The following CRACD variants were observed in gnomAD, a reference collection of about 807,000 sequenced individuals.
The protein encoded by CRACD is capping protein inhibiting regulator of actin dynamics, also known as capping protein-inhibiting regulator of actin dynamics.
CRACD carries 56 observed loss-of-function variants against 106.8 expected under a neutral mutation model. The observed-to-expected ratio is 0.52, with a 90% CI of 0.42 to 0.66. CRACD has a LOEUF of 0.66. Ranked by LOEUF, CRACD falls within the 30% of genes least tolerant of loss-of-function variation. CRACD has a pLI of 0.00. For synonymous variants in CRACD, 754 were observed against 670.8 expected (o/e 1.12, Z -1.92); for missense variants, 1,730 against 1,623.2 (o/e 1.07, Z -1.13).
At chr4:56,291,152 A>G (rs1162653986) in intron 3 of CRACD, among the ~76,000 whole-genome samples, 1 of 152,176 alleles carries the variant, frequency 6.6e-6, no homozygotes, top group Non-Finnish European at 1.5e-5. Context: ...TGGCAAGTCC[A>G]TTTTCTATCA....
intron 1 of CRACD, among the ~76,000 whole-genome samples, chr4:56,121,273 A>C (rs1734473310): frequency 6.6e-6 from 1 of 152,218 alleles, no homozygotes; most frequent in Admixed American, 6.5e-5. Flanking sequence ...TCTCAAGCAA[A>C]AATACTGCGC....
At chr4:56,138,106 C>T (rs1735067447) in intron 1 of CRACD, among the ~76,000 whole-genome samples, 1 of 151,986 alleles carries the variant, frequency 6.6e-6, no homozygotes, top group African/African-American at 2.4e-5. Flanking sequence ...GTGACTTTCT[C>T]TGAGATTGTG....
Position 56,314,408 on chromosome 4 carries a change from C to CGTGGA in CRACD, c.907_908insTGGAG (p.Ala303ValfsTer123), listed in dbSNP as rs769084998. ...GCCTGGAAGCGCCAGGTTGGGAGGA[C>CGTGGA]GCGGAGCGGAGGGAGCGTGAGGAGC... is the stretch of plus-strand genomic sequence containing the variant. On this transcript the variant is annotated frameshift_variant, in exon 8 of 11. Transcript: ENST00000682029. LOFTEE classifies it high-confidence loss of function. This position sits in a 1 kb window ranked among gnomAD's most constrained non-coding sequence, Gnocchi z 4.4. 1.8e-6 allele frequency: 2 copies of CGTGGA among 1,116,594 alleles called. No homozygotes were observed. Among genetic ancestry groups the CGTGGA allele is most frequent in the Non-Finnish European group, 2.4e-6 (2 of 823,428 alleles). The allele number at this position is 1,116,594 out of a possible 1,614,324, so 69.2% of individuals were successfully genotyped here.
At chr4:56,114,183 T>C (rs957571822) in intron 1 of CRACD, among the ~76,000 whole-genome samples, 2 of 151,452 alleles carry the variant, frequency 1.3e-5, no homozygotes, top group African/African-American at 2.4e-5. Flanking sequence ...CCTTCATTGC[T>C]CCTTGTAGGC....
At chr4:56,215,523 G>A (rs1370839381) in intron 2 of CRACD, among the ~76,000 whole-genome samples, 1 of 152,186 alleles carries the variant, frequency 6.6e-6, no homozygotes, top group Non-Finnish European at 1.5e-5. Context: ...CATATTTACT[G>A]CCTTGTTTTA....
At chr4:56,212,698 A>G (rs1248089397) in intron 2 of CRACD, among the ~76,000 whole-genome samples, 1 of 152,134 alleles carries the variant, frequency 6.6e-6, no homozygotes, top group African/African-American at 2.4e-5. Flanking sequence ...TTCCCTACCA[A>G]AGTACACACA....
intron 2 of CRACD, among the ~76,000 whole-genome samples, chr4:56,239,064 G>A (rs1263696903): frequency 3.3e-5 from 5 of 152,054 alleles, no homozygotes; most frequent in African/African-American, 1.2e-4. Flanking sequence ...AGGCCGAGGC[G>A]GGCAGGTCAC....
At chr4:56,079,275 A>G (rs1732945621) in intron 1 of CRACD, among the ~76,000 whole-genome samples, 1 of 151,232 alleles carries the variant, frequency 6.6e-6, no homozygotes, top group Non-Finnish European at 1.5e-5. Flanking sequence ...GAAGATATAT[A>G]TGTAAAGATG....
At chr4:56,121,733 C>G (rs1297759864) in intron 1 of CRACD, among the ~76,000 whole-genome samples, 2 of 152,284 alleles carry the variant, frequency 1.3e-5, no homozygotes, top group African/African-American at 4.8e-5. Context: ...TAAAATGAAT[C>G]AATGTAGCTG....
intron 3 of CRACD, among the ~76,000 whole-genome samples, chr4:56,275,091 G>A (rs1742602550): frequency 6.6e-6 from 1 of 152,176 alleles, no homozygotes; most frequent in African/African-American, 2.4e-5. Flanking sequence ...GAGAACTCAT[G>A]ACACAAAGAC....
At chr4:56,157,152 A>G (rs1381970235) in intron 1 of CRACD, among the ~76,000 whole-genome samples, 1 of 152,220 alleles carries the variant, frequency 6.6e-6, no homozygotes, top group Non-Finnish European at 1.5e-5. Flanking sequence ...GGTTGCAGTA[A>G]AAATTTATGG....
In CRACD at chr4:56,070,847, CTGTG is replaced by C. The variant is rs60372588; in HGVS notation, c.-336+21588_-336+21591del. ...TACTGCAGGAATGCCAGGGGCTATG[CTGTG>C]TGTGTGTGTGTGTGTGTGTGTGTGT... On this transcript the variant is annotated intron_variant, in intron 1 of 10. Transcript: ENST00000682029. Among the ~76,000 whole-genome samples, 204 of 120,432 alleles carry C rather than the reference CTGTG, an allele frequency of 1.7e-3. 1 individual carries two copies. Among genetic ancestry groups the C allele is most frequent in the African/African-American group, 3.8e-3 (116 of 30,882 alleles). The allele number at this position is 120,432 out of a possible 152,430, so 79.0% of individuals were successfully genotyped here.
chr4:56,130,350 A>G (rs1734785592), intron 1 of CRACD, among the ~76,000 whole-genome samples: 1 of 152,198 alleles, frequency 6.6e-6, no homozygotes, highest in Non-Finnish European at 1.5e-5. Flanking sequence ...AATTAATGTA[A>G]TGTATATAGG....
intron 2 of CRACD, among the ~76,000 whole-genome samples, chr4:56,262,130 CT>C (rs1443752331): frequency 6.6e-6 from 1 of 152,130 alleles, no homozygotes; most frequent in Non-Finnish European, 1.5e-5. Flanking sequence ...GACACTTTGC[CT>C]TGAAAAAGTC....
At chr4:56,276,624 A>T (rs1008469324) in intron 3 of CRACD, among the ~76,000 whole-genome samples, 1 of 152,200 alleles carries the variant, frequency 6.6e-6, no homozygotes, top group Non-Finnish European at 1.5e-5. Flanking sequence ...AAGGTCATAT[A>T]GCTTATAAAT....
chr4:56,236,115 A>C (rs185605646), intron 2 of CRACD, among the ~76,000 whole-genome samples: 1 of 152,312 alleles, frequency 6.6e-6, no homozygotes, highest in Admixed American at 6.5e-5. Flanking sequence ...GAGGTGTTGC[A>C]GTTACAGTAA....
At chr4:56,218,218 G>A (rs1738818802) in intron 2 of CRACD, among the ~76,000 whole-genome samples, 2 of 152,046 alleles carry the variant, frequency 1.3e-5, no homozygotes. Context: ...ATACCTTTTG[G>A]TGGGGGACAC....
chr4:56,093,840 T>C (rs1423140066), intron 1 of CRACD, among the ~76,000 whole-genome samples: 2 of 152,232 alleles, frequency 1.3e-5, no homozygotes, highest in Non-Finnish European at 2.9e-5. Context: ...CCTTTTATTT[T>C]GGCAGAAACG....
At chr4:56,106,913 T>C (rs1294034112) in intron 1 of CRACD, among the ~76,000 whole-genome samples, 3 of 152,196 alleles carry the variant, frequency 2.0e-5, no homozygotes, top group Admixed American at 6.5e-5. Context: ...CCAAGGATAA[T>C]TGATGAAACT....
Sources: allele counts gnomAD v4.1 joint callset (sites outside exome capture counted in the v4.1 genomes callset), GRCh38; gene constraint gnomAD v4.1.1; non-coding constraint Gnocchi (gnomAD v3.1); transcripts MANE v1.5; gene names NCBI Gene and HGNC (gene_info 2026-07-23, HGNC 2026-07-21).